BCAT1: variants seen among roughly 807,000 people sequenced by gnomAD.
The protein encoded by BCAT1 is branched chain amino acid transaminase 1.
In BCAT1, 48 loss-of-function variants were observed where a neutral mutation model predicts 52.4. The ratio of observed to expected loss-of-function variants is 0.92; its 90% confidence interval spans 0.73 to 1.16. The LOEUF is 1.16. Among genes scored for constraint, BCAT1 ranks in the 50% most tolerant of loss-of-function variants. The probability of loss-of-function intolerance (pLI) is 0.00; values close to 1 mark genes in which losing one functional copy is unlikely to be tolerated. For synonymous variants in BCAT1, 167 were observed against 161.3 expected (o/e 1.04, Z -0.27); for missense variants, 451 against 457.1 (o/e 0.99, Z 0.12).
At chr12:24,838,208 C>G (rs1218173374) in intron 7 of BCAT1, among the ~76,000 whole-genome samples, 1 of 152,182 alleles carries the variant, frequency 6.6e-6, no homozygotes, top group African/African-American at 2.4e-5. Flanking sequence ...CTTCATCCTT[C>G]TATCCTCAAA....
chr12:24,896,279 G>A (rs183125531), intron 2 of BCAT1, among the ~76,000 whole-genome samples: 257 of 152,032 alleles, frequency 1.7e-3, no homozygotes, highest in Middle Eastern at 3.4e-3. Flanking sequence ...TTTCTCTCCC[G>A]TTGTCCTCTG....
chr12:24,902,295 C>G, intron 1 of BCAT1: 1 of 1,299,702 alleles, frequency 7.7e-7, no homozygotes, highest in Non-Finnish European at 9.7e-7. Context: ...TCTTGTCAAT[C>G]ACAGACGCAC....
chr12:24,902,656 G>A (rs576556055), intron 1 of BCAT1: 16 of 501,426 alleles, frequency 3.2e-5, no homozygotes, highest in African/African-American at 2.9e-4. Context: ...CGAGTCCATA[G>A]CTACCCTCAC....
intron 5 of BCAT1, among the ~76,000 whole-genome samples, chr12:24,868,614 T>C (rs762984914): frequency 2.0e-5 from 3 of 152,196 alleles, no homozygotes; most frequent in African/African-American, 7.2e-5. Flanking sequence ...AAATTGTATA[T>C]GTTACTTGAT....
At chr12:24,875,461 A>G (rs766963299) in intron 5 of BCAT1, among the ~76,000 whole-genome samples, 1 of 152,196 alleles carries the variant, frequency 6.6e-6, no homozygotes, top group Non-Finnish European at 1.5e-5. Flanking sequence ...CCCAAATAGT[A>G]TTCATTATTT....
chr12:24,902,690 C>A (rs1421257308), intron 1 of BCAT1: 3 of 540,480 alleles, frequency 5.6e-6, no homozygotes, highest in Admixed American at 4.1e-5. Context: ...GTCCTCGCCA[C>A]GCTCCGGAGC....
At chr12:24,883,079 G>A (rs959592068) in intron 3 of BCAT1, among the ~76,000 whole-genome samples, 2 of 151,684 alleles carry the variant, frequency 1.3e-5, no homozygotes, top group Non-Finnish European at 2.9e-5. Flanking sequence ...TTGAGGTCAG[G>A]AGTTCGAGAC....
intron 1 of BCAT1, among the ~76,000 whole-genome samples, chr12:24,935,909 C>A (rs770463149): frequency 6.6e-6 from 1 of 152,194 alleles, no homozygotes; most frequent in African/African-American, 2.4e-5. Flanking sequence ...TGAAAACCTA[C>A]ACTTCTGCCA....
At chr12:24,867,406 G>T (rs926221816) in intron 5 of BCAT1, among the ~76,000 whole-genome samples, 10 of 148,528 alleles carry the variant, frequency 6.7e-5, no homozygotes, top group African/African-American at 2.5e-4. Context: ...AATTGTTATT[G>T]GCTAAGCAGC....
chr12:24,914,687 A>T (rs2139708179), intron 1 of BCAT1, among the ~76,000 whole-genome samples: 1 of 152,360 alleles, frequency 6.6e-6, no homozygotes, highest in South Asian at 2.1e-4. Flanking sequence ...TGTTCAAGTA[A>T]ACCTTCTGAG....
intron 5 of BCAT1, among the ~76,000 whole-genome samples, chr12:24,855,781 CTTTTTCTT>C (rs1941661025): frequency 6.6e-6 from 1 of 151,764 alleles, no homozygotes; most frequent in African/African-American, 2.4e-5. Flanking sequence ...TATTTTTTTT[CTTTTTCTT>C]TTTTTCTTTT....
At chr12:24,823,061 C>G (rs539081665) in intron 10 of BCAT1, among the ~76,000 whole-genome samples, 2 of 138,978 alleles carry the variant, frequency 1.4e-5, no homozygotes, top group Admixed American at 1.4e-4. Flanking sequence ...TTTGTTTTGA[C>G]TTCTTTTTTT....
At chr12:24,889,513 T>C (rs1942777741) in intron 3 of BCAT1, among the ~76,000 whole-genome samples, 1 of 152,262 alleles carries the variant, frequency 6.6e-6, no homozygotes, top group African/African-American at 2.4e-5. Context: ...GACAGGCCTT[T>C]GTAACCATCA....
chr12:24,877,650 C>T (rs1942384624), intron 5 of BCAT1, among the ~76,000 whole-genome samples: 1 of 152,166 alleles, frequency 6.6e-6, no homozygotes, highest in African/African-American at 2.4e-5. Flanking sequence ...CAAGTAATCC[C>T]AAGACCTCAT....
At chr12:24,924,031 C>T (rs943633151) in intron 1 of BCAT1, among the ~76,000 whole-genome samples, 16 of 152,186 alleles carry the variant, frequency 1.1e-4, no homozygotes, top group Non-Finnish European at 1.9e-4. Context: ...TGCATGATGG[C>T]ATAATTACAG....
chr12:24,901,399 C>T (rs977865253), intron 2 of BCAT1, among the ~76,000 whole-genome samples: 1 of 152,204 alleles, frequency 6.6e-6, no homozygotes, highest in Non-Finnish European at 1.5e-5. Flanking sequence ...ACTATATAAA[C>T]CCCGCAATTC....
At chr12:24,885,529 C>T (rs1942636566) in intron 3 of BCAT1, among the ~76,000 whole-genome samples, 1 of 152,116 alleles carries the variant, frequency 6.6e-6, no homozygotes, top group South Asian at 2.1e-4. Flanking sequence ...TTTTAAAAAA[C>T]TGCATGACAA....
intron 2 of BCAT1, among the ~76,000 whole-genome samples, chr12:24,895,503 G>C (rs1942939467): frequency 6.7e-6 from 1 of 150,306 alleles, no homozygotes; most frequent in Non-Finnish European, 1.5e-5. Flanking sequence ...TCCAGCCTGG[G>C]AGACAGAGCA....
At chr12:24,948,053 C>T (rs1565511007) in intron 1 of BCAT1, among the ~76,000 whole-genome samples, 1 of 152,244 alleles carries the variant, frequency 6.6e-6, no homozygotes, top group Non-Finnish European at 1.5e-5. Flanking sequence ...AACCACGCTT[C>T]ATCTCCCTCC....
Sources: gnomAD v4.1 joint callset for allele counts (sites outside exome capture counted in the v4.1 genomes callset) on GRCh38, gnomAD v4.1.1 for gene constraint, MANE v1.5 for transcripts, NCBI Gene and HGNC (gene_info 2026-07-23, HGNC 2026-07-21) for gene names.